ARIH1: variants seen among roughly 807,000 people sequenced by gnomAD.
ARIH1 encodes the protein E3 ubiquitin-protein ligase ARIH1.
Under a neutral mutation model 85.0 loss-of-function variants are expected in ARIH1, and 8 were observed. The ratio of observed to expected loss-of-function variants is 0.09; its 90% CI spans 0.06 to 0.17. The LOEUF (loss-of-function observed/expected upper bound fraction) is 0.17, where lower values mean the gene tolerates loss of function less well. Among genes scored for constraint, ARIH1 ranks in the 10% least tolerant of loss-of-function variants. The pLI, the probability that ARIH1 is intolerant of heterozygous loss-of-function variation, is 1.00. For missense variants in ARIH1, 311 were observed against 718.1 expected (o/e 0.43, Z 6.48); for synonymous variants, 238 against 253.6 (o/e 0.94, Z 0.59).
At chr15:72,500,807 CAG>C (rs1373786752) in intron 1 of ARIH1, among the ~76,000 whole-genome samples, 2 of 152,138 alleles carry the variant, frequency 1.3e-5, no homozygotes, top group East Asian at 1.9e-4. Context: ...ATGGTTACCT[CAG>C]AGGATTAGAA....
Position 72,582,062 on chromosome 15 carries a change from A to G in ARIH1, c.1477-13A>G, listed in dbSNP as rs779713239. 1.3e-6 allele frequency: 2 copies of G among 1,578,292 alleles called. No individual in the cohort carries two copies. The highest frequency in any genetic ancestry group is 2.3e-5 in the South Asian group (2 of 87,030). On this transcript the variant is annotated splice_polypyrimidine_tract_variant and intron_variant, in intron 12 of 13. Transcript: ENST00000379887. This position sits in a 1 kb window ranked among gnomAD's most constrained non-coding sequence, Gnocchi z 4.6. ...TATTTTGAAGCCAAAATTTACTTTC[A>G]TTCTTCTTACAGAATAACCAAGCAG... is the stretch of plus-strand genomic sequence containing the variant.
At chr15:72,478,672 A>G (rs912281804) in intron 1 of ARIH1, among the ~76,000 whole-genome samples, 2 of 152,186 alleles carry the variant, frequency 1.3e-5, no homozygotes, top group Non-Finnish European at 1.5e-5. Flanking sequence ...TTACTCATTA[A>G]TGAAGTCTGA....
At chr15:72,506,928 C>A (rs2063928318) in intron 1 of ARIH1, among the ~76,000 whole-genome samples, 1 of 151,670 alleles carries the variant, frequency 6.6e-6, no homozygotes, top group African/African-American at 2.4e-5. Flanking sequence ...GTAGTTGCCT[C>A]CCACTCTGCT....
Position 72,504,194 on chromosome 15 carries a change from A to C in ARIH1, c.376-13873A>C, listed in dbSNP as rs1243563917. On this transcript the variant is annotated intron_variant, in intron 1 of 13. Coordinates refer to ENST00000379887, the MANE Select transcript of ARIH1 (RefSeq NM_005744.5). ...CTCAGTCTCTTGAATAGCTGGGATT[A>C]CAGGTACCCGCCACCATGCCCCACT... Among the ~76,000 whole-genome samples, 3 of 152,126 alleles carry C rather than the reference A, an allele frequency of 2.0e-5. No homozygotes were observed. The East Asian group carries it at 5.8e-4, about 29-fold the overall frequency.
At position 72,588,030 on chromosome 15, in the gene ARIH1, T is replaced by A. The variant is rs989430617; in HGVS notation, c.*4738T>A. 6.6e-6 allele frequency: 1 copy of A among 152,206 alleles called. No individual in the cohort carries two copies. Among genetic ancestry groups the A allele is most frequent in the African/African-American group, 2.4e-5 (1 of 41,454 alleles). 9.4% of individuals were successfully genotyped at this position (152,206 alleles called of 1,614,324 possible). A position where few individuals can be genotyped will look rare whatever the true frequency, so the allele number is the denominator to read the frequency against. ...GGGTAGGAGCCAGTTAAAGTTTGTA[T>A]ATCAGTCACACATTGATATGTAGCA... On this transcript the variant is annotated 3_prime_UTR_variant, in exon 14 of 14. Coordinates refer to ENST00000379887, the MANE Select transcript of ARIH1 (RefSeq NM_005744.5).
chr15:72,544,674 C>T, intron 2 of ARIH1, 146 bp from the exon 3 acceptor site: 1 of 705,886 alleles, frequency 1.4e-6, no homozygotes. Context: ...TACCATGTAG[C>T]TTTTATTTCC....
At chr15:72,517,287 A>G (rs1418208483) in intron 1 of ARIH1, among the ~76,000 whole-genome samples, 1 of 152,202 alleles carries the variant, frequency 6.6e-6, no homozygotes, top group African/African-American at 2.4e-5. Flanking sequence ...TTTTTTTAAA[A>G]GAGACTGGGT....
intron 11 of ARIH1, among the ~76,000 whole-genome samples, chr15:72,574,696 T>G (rs1167162865): frequency 6.6e-6 from 1 of 152,236 alleles, no homozygotes; most frequent in Non-Finnish European, 1.5e-5. Flanking sequence ...ATCTCTGTTG[T>G]GACGGCTCAA....
chr15:72,561,457 TA>T (rs755060960), intron 5 of ARIH1, 25 bp from the exon 6 acceptor site: 17 of 1,509,344 alleles, frequency 1.1e-5, no homozygotes, highest in Non-Finnish European at 1.5e-5. Context: ...GGAAACTTTC[TA>T]ATCTATTTTT....
intron 2 of ARIH1, among the ~76,000 whole-genome samples, chr15:72,529,167 C>A (rs2064044124): frequency 6.6e-6 from 1 of 152,136 alleles, no homozygotes; most frequent in Non-Finnish European, 1.5e-5. Flanking sequence ...CCACTGCACT[C>A]CAGCCTGGGC....
At chr15:72,543,729 C>T (rs2064117606) in intron 2 of ARIH1, among the ~76,000 whole-genome samples, 1 of 151,906 alleles carries the variant, frequency 6.6e-6, no homozygotes, top group South Asian at 2.1e-4. Context: ...TGAAAATCTC[C>T]TGTTTGTATA....
At chr15:72,509,899 C>T (rs2063942377) in intron 1 of ARIH1, among the ~76,000 whole-genome samples, 1 of 143,390 alleles carries the variant, frequency 7.0e-6, no homozygotes, top group Admixed American at 7.0e-5. Flanking sequence ...CCAGCCCCAC[C>T]TTTTTTTTTT....
At chr15:72,548,712 A>G (rs2064140273) in intron 3 of ARIH1, among the ~76,000 whole-genome samples, 1 of 152,228 alleles carries the variant, frequency 6.6e-6, no homozygotes, top group Non-Finnish European at 1.5e-5. Context: ...GAAACTCTTC[A>G]TAAAGTTTTA....
chr15:72,566,554 A>C lies in ARIH1; in HGVS notation c.912-9A>C, dbSNP rs1480915533. On this transcript the variant is annotated splice_polypyrimidine_tract_variant and intron_variant, in intron 7 of 13. Coordinates refer to ENST00000379887, the MANE Select transcript of ARIH1 (RefSeq NM_005744.5). ...CTTAATTCTATTAACTCTTTGTGTC[A>C]CTTAACAGCTTTAACTGTGGAGAAA... 3.7e-6 allele frequency: 6 copies of C among 1,610,928 alleles called. No homozygotes were observed. The highest frequency in any genetic ancestry group is 5.1e-6 in the Non-Finnish European group (6 of 1,177,986).
intron 2 of ARIH1, among the ~76,000 whole-genome samples, chr15:72,543,056 C>T (rs981894084): frequency 5.3e-5 from 8 of 151,714 alleles, no homozygotes; most frequent in Non-Finnish European, 1.2e-4. Context: ...CCTCACCCTC[C>T]TGAGTAGCTG....
At chr15:72,523,577 A>G (rs1372747503) in intron 2 of ARIH1, among the ~76,000 whole-genome samples, 1 of 149,148 alleles carries the variant, frequency 6.7e-6, no homozygotes, top group African/African-American at 2.5e-5. Flanking sequence ...GTAATGGTGG[A>G]TATGTATCAT....
intron 1 of ARIH1, among the ~76,000 whole-genome samples, chr15:72,490,242 C>CAA (rs35694095): frequency 2.0e-4 from 24 of 117,128 alleles, no homozygotes; most frequent in South Asian, 5.6e-4. Flanking sequence ...GTCTCCTTCT[C>CAA]AAAAAAAAAA....
At chr15:72,518,814 T>C (rs1355298519) in intron 2 of ARIH1, among the ~76,000 whole-genome samples, 1 of 151,240 alleles carries the variant, frequency 6.6e-6, no homozygotes, top group African/African-American at 2.4e-5. Context: ...AAATTCTTGC[T>C]CACAAACCTT....
chr15:72,486,774 A>C (rs1239790697), intron 1 of ARIH1, among the ~76,000 whole-genome samples: 1 of 144,932 alleles, frequency 6.9e-6, no homozygotes. Flanking sequence ...GCTCACTGCA[A>C]CCTCTACCTC....
Sources: allele counts gnomAD v4.1 joint callset (sites outside exome capture counted in the v4.1 genomes callset), GRCh38; gene constraint gnomAD v4.1.1; non-coding constraint Gnocchi (gnomAD v3.1); transcripts MANE v1.5; gene names NCBI Gene and HGNC (gene_info 2026-07-23, HGNC 2026-07-21).